Variants in SPTLC2 observed in about 807,000 individuals in gnomAD.
The protein encoded by SPTLC2 is serine palmitoyltransferase 2.
In SPTLC2, 21 loss-of-function variants were observed where a neutral mutation model predicts 62.0. The ratio of observed to expected loss-of-function variants is 0.34; its 90% CI spans 0.24 to 0.49. The LOEUF is 0.49. SPTLC2 is among the 20% of genes least tolerant of loss of function. The probability of loss-of-function intolerance (pLI) is 0.99; values close to 1 mark genes in which losing one functional copy is unlikely to be tolerated. For missense variants in SPTLC2, 511 were observed against 713.0 expected (o/e 0.72, Z 3.23); for synonymous variants, 261 against 261.8 (o/e 1.00, Z 0.03).
chr14:77,615,475 A>G (rs1481516440), intron 1 of SPTLC2, among the ~76,000 whole-genome samples: 1 of 152,230 alleles, frequency 6.6e-6, no homozygotes, highest in Non-Finnish European at 1.5e-5. Context: ...AGTACTTTCT[A>G]AGCGTTCCTT....
At position 77,598,643 on chromosome 14, in the gene SPTLC2, T is replaced by G. The variant is rs561120293; in HGVS notation, c.133-1263A>C. On this transcript the variant is annotated intron_variant, in intron 1 of 11. Coordinates refer to ENST00000216484, the MANE Select transcript of SPTLC2 (RefSeq NM_004863.4). ...AAAAACTAAGATGTTTATATAAGTG[T>G]GGTCCAGGCTGGGTGCAGTGGCGCA... 1.0e-3 allele frequency among the ~76,000 whole-genome samples: 157 copies of G among 152,282 alleles called. 1 individual carries two copies. Among genetic ancestry groups the G allele is most frequent in the African/African-American group, 3.6e-3 (149 of 41,578 alleles).
Position 77,506,680 on chromosome 14 carries a change from A to G in SPTLC2, c.*5604T>C, listed in dbSNP as rs1294257561. On this transcript the variant is annotated 3_prime_UTR_variant, in exon 12 of 12. Coordinates refer to ENST00000216484, the MANE Select transcript of SPTLC2 (RefSeq NM_004863.4). ...CCAGGAAGACCTGGGCCAAATGACC[A>G]AGCTTTGCAAAAGAAACCTGGGAAG... 6.6e-6 allele frequency: 1 copy of G among 152,278 alleles called. No individual in the cohort carries two copies. The highest frequency in any genetic ancestry group is 1.5e-5 in the Non-Finnish European group (1 of 68,076). The allele number at this position is 152,278 out of a possible 1,614,324, so 9.4% of individuals were successfully genotyped here.
chr14:77,580,414 C>A (rs961276215), intron 2 of SPTLC2, among the ~76,000 whole-genome samples: 13 of 147,530 alleles, frequency 8.8e-5, no homozygotes, highest in African/African-American at 3.3e-4. Flanking sequence ...ACCTGGGAGG[C>A]AGAGGTTGCA....
At chr14:77,577,803 G>A (rs1237936287) in intron 3 of SPTLC2, among the ~76,000 whole-genome samples, 1 of 152,204 alleles carries the variant, frequency 6.6e-6, no homozygotes, top group South Asian at 2.1e-4. Flanking sequence ...GGGAGGCTGA[G>A]GCAGGAGAAT....
intron 2 of SPTLC2, among the ~76,000 whole-genome samples, chr14:77,586,765 T>C (rs979815662): frequency 1.3e-5 from 2 of 152,294 alleles, no homozygotes; most frequent in Non-Finnish European, 1.5e-5. Flanking sequence ...AGAGACTTCA[T>C]GAAATCAGCA....
At chr14:77,548,274 A>C (rs889791349) in intron 9 of SPTLC2, among the ~76,000 whole-genome samples, 14 of 152,242 alleles carry the variant, frequency 9.2e-5, no homozygotes, top group African/African-American at 3.4e-4. Context: ...GGTATTGCCA[A>C]TCATGCGTGC....
At chr14:77,607,468 T>G (rs921589330) in intron 1 of SPTLC2, among the ~76,000 whole-genome samples, 2 of 152,218 alleles carry the variant, frequency 1.3e-5, no homozygotes, top group Non-Finnish European at 2.9e-5. Flanking sequence ...CATTTGCCAT[T>G]CCTTAGTTTA....
At chr14:77,531,461 C>T (rs1314739668) in intron 9 of SPTLC2, among the ~76,000 whole-genome samples, 258 of 120,094 alleles carry the variant, frequency 2.1e-3, no homozygotes, top group Middle Eastern at 0.014. Flanking sequence ...TTCTCCTCCT[C>T]CTCCTCCTCC....
chr14:77,593,699 G>T (rs996857024), intron 2 of SPTLC2, among the ~76,000 whole-genome samples: 3 of 152,106 alleles, frequency 2.0e-5, no homozygotes, highest in African/African-American at 7.2e-5. Context: ...AGTTAAACTG[G>T]GCTCTCTTTT....
chr14:77,514,762 T>C (rs1203164931), intron 11 of SPTLC2, among the ~76,000 whole-genome samples: 1 of 152,248 alleles, frequency 6.6e-6, no homozygotes, highest in Non-Finnish European at 1.5e-5. Context: ...AGAGTATTTT[T>C]ATCACCCTAA....
chr14:77,557,282 A>C, intron 6 of SPTLC2, 136 bp from the exon 7 acceptor site: 1 of 758,842 alleles, frequency 1.3e-6, no homozygotes, highest in Non-Finnish European at 2.2e-6. Context: ...GGGCAGAAAA[A>C]AGCAGGGCAA....
At chr14:77,544,322 G>A (rs1259608697) in intron 9 of SPTLC2, among the ~76,000 whole-genome samples, 1 of 152,080 alleles carries the variant, frequency 6.6e-6, no homozygotes, top group Non-Finnish European at 1.5e-5. Flanking sequence ...CCAGCCTAAG[G>A]TTTTCTTTTC....
intron 5 of SPTLC2, among the ~76,000 whole-genome samples, chr14:77,565,419 T>C (rs371545706): frequency 2.0e-4 from 31 of 152,134 alleles, no homozygotes; most frequent in Non-Finnish European, 5.9e-5. Context: ...AAGTTGGTAG[T>C]AGAAAATCCC....
chr14:77,569,827 A>G (rs2079668050), intron 5 of SPTLC2, among the ~76,000 whole-genome samples: 1 of 38,330 alleles, frequency 2.6e-5, no homozygotes, highest in Admixed American at 3.2e-4. Context: ...TGTTATATAT[A>G]TATATAATAT....
At chr14:77,578,612 C>T (rs1277867322) in intron 3 of SPTLC2, among the ~76,000 whole-genome samples, 2 of 151,574 alleles carry the variant, frequency 1.3e-5, no homozygotes, top group African/African-American at 2.4e-5. Context: ...CCCAGCTACT[C>T]GGGAGGCTGA....
chr14:77,615,010 C>T (rs1401012645), intron 1 of SPTLC2, among the ~76,000 whole-genome samples: 1 of 151,814 alleles, frequency 6.6e-6, no homozygotes, highest in Admixed American at 6.6e-5. Flanking sequence ...AAAATCATAC[C>T]TCAATGAAAT....
chr14:77,578,587 G>T (rs555113712), intron 3 of SPTLC2, among the ~76,000 whole-genome samples: 1 of 151,936 alleles, frequency 6.6e-6, no homozygotes, highest in African/African-American at 2.4e-5. Flanking sequence ...GGGTGTGGCG[G>T]TGCATGCCTG....
intron 6 of SPTLC2, among the ~76,000 whole-genome samples, chr14:77,558,105 T>C (rs72683267): frequency 0.053 from 7,992 of 151,416 alleles, 308 homozygotes; most frequent in Middle Eastern, 0.088. Flanking sequence ...TGGAGTGCAA[T>C]GGTGTGATCT....
chr14:77,551,933 A>AT (rs1371228367), intron 9 of SPTLC2, among the ~76,000 whole-genome samples, 163 bp downstream of exon 9: 1 of 152,226 alleles, frequency 6.6e-6, no homozygotes, highest in African/African-American at 2.4e-5. Flanking sequence ...TTCTCATGGC[A>AT]TATGTATCAA....
Sources: allele counts gnomAD v4.1 joint callset (sites outside exome capture counted in the v4.1 genomes callset), GRCh38; gene constraint gnomAD v4.1.1; transcripts MANE v1.5; gene names NCBI Gene and HGNC (gene_info 2026-07-23, HGNC 2026-07-21).